The following LAMA3 variants were observed in gnomAD, a reference collection of about 807,000 sequenced individuals.
LAMA3 encodes the protein laminin subunit alpha-3.
Under a neutral mutation model 402.0 loss-of-function variants are expected in LAMA3, and 281 were observed. That is an observed-to-expected ratio of 0.70 (90% CI 0.63 to 0.77). The LOEUF is 0.77. Among genes scored for constraint, LAMA3 ranks in the 30% least tolerant of loss-of-function variants. LAMA3 has a pLI of 0.00. For synonymous variants in LAMA3, 1,431 were observed against 1,558.4 expected, an observed-to-expected ratio of 0.92 and a Z score of 1.93; for missense variants, 3,840 against 4,215.5, an observed-to-expected ratio of 0.91 and a Z score of 2.47.
At chr18:23,722,836 G>A (rs1350956998) in intron 2 of LAMA3, among the ~76,000 whole-genome samples, 1 of 152,112 alleles carries the variant, frequency 6.6e-6, no homozygotes, top group Non-Finnish European at 1.5e-5. Flanking sequence ...TGAGTCTTAC[G>A]ATGCAACTTT....
At chr18:23,845,274 C>A in intron 30 of LAMA3, 150 bp downstream of exon 30, 1 of 675,792 alleles carries the variant, frequency 1.5e-6, no homozygotes, top group Non-Finnish European at 2.7e-6. Context: ...GGAAGATGCT[C>A]TTTCTCCACA....
intron 33 of LAMA3, among the ~76,000 whole-genome samples, chr18:23,858,407 G>C (rs979547876): frequency 1.3e-5 from 2 of 152,106 alleles, no homozygotes; most frequent in African/African-American, 4.8e-5. Flanking sequence ...GAGATGAATT[G>C]GTCTCCCCAT....
At chr18:23,842,123 C>T (rs937852429) in intron 27 of LAMA3, among the ~76,000 whole-genome samples, 1 of 152,134 alleles carries the variant, frequency 6.6e-6, no homozygotes, top group African/African-American at 2.4e-5. Flanking sequence ...TATACCCCCT[C>T]CAACATGTAT....
intron 35 of LAMA3, 112 bp from the exon 36 acceptor site, chr18:23,864,673 G>T (rs2064308336): frequency 1.4e-6 from 1 of 736,270 alleles, no homozygotes; most frequent in Non-Finnish European, 2.5e-6. Context: ...TTGTTACCAG[G>T]TCGAGTGTGT....
intron 61 of LAMA3, 122 bp from the exon 62 acceptor site, chr18:23,921,330 T>C (rs1185600741): frequency 1.1e-5 from 12 of 1,094,340 alleles, no homozygotes; most frequent in Non-Finnish European, 1.5e-5. Flanking sequence ...GCTCAGAGCC[T>C]TCCTACTATG....
chr18:23,824,645 C>T, intron 21 of LAMA3, 80 bp downstream of exon 21: 2 of 1,455,366 alleles, frequency 1.4e-6, no homozygotes, highest in Non-Finnish European at 1.9e-6. Flanking sequence ...CTACAATCCA[C>T]AGCGACCATA....
rs553307388 is a variant in LAMA3, at chr18:23,902,617, G to A, written c.6202-392G>A. 3.3e-5 allele frequency among the ~76,000 whole-genome samples: 5 copies of A among 152,312 alleles called. No individual in the cohort carries two copies. The South Asian group carries it at 8.3e-4, about 25-fold the overall frequency. On this transcript the variant is annotated intron_variant, in intron 48 of 74. Transcript: ENST00000313654. ...TTCCAGCCTGGCATTCTCAGGTTCC[G>A]TGTGACCTCTCGGTCAAGTGCCTGC...
chr18:23,689,601 G>T lies in LAMA3; in HGVS notation c.-83G>T, dbSNP rs2060538442. The T allele has an allele frequency of 2.5e-6, 3 of 1,195,652 alleles. No individual in the cohort carries two copies. The highest frequency in any genetic ancestry group is 4.0e-5 in the South Asian group (1 of 25,042). 74.1% of individuals were successfully genotyped at this position (1,195,652 alleles called of 1,614,324 possible). ...CGGCTGCGCTAGTCCTGGCGCTGCA[G>T]GTCCGGGAGGCGCAGGCGGAGAGCG... On this transcript the variant is annotated 5_prime_UTR_variant, in exon 1 of 75. It adds an upstream start codon to the 5' untranslated region. Coordinates refer to ENST00000313654, the MANE Select transcript of LAMA3 (RefSeq NM_198129.4).
chr18:23,690,765 C>T (rs539216165), intron 1 of LAMA3, among the ~76,000 whole-genome samples: 36 of 142,126 alleles, frequency 2.5e-4, no homozygotes, highest in African/African-American at 8.4e-4. Flanking sequence ...CGTGCCCCCC[C>T]GTGCCTGGCA....
Position 23,696,368 on chromosome 18 carries a change from G to T in LAMA3, c.294+6391G>T, listed in dbSNP as rs185538938. Among the ~76,000 whole-genome samples, 7 of 152,248 alleles carry T rather than the reference G, an allele frequency of 4.6e-5. No homozygotes were observed. The East Asian group carries it at 1.4e-3, about 29-fold the overall frequency. On this transcript the variant is annotated intron_variant, in intron 1 of 74. Transcript: ENST00000313654. ...ATTAGGAAAATCACTAAATAAGCTT[G>T]TTATAAACTTATTGAGTTCTCTTTC... is the stretch of plus-strand genomic sequence containing the variant.
At chr18:23,729,996 C>A (rs1397501208) in intron 2 of LAMA3, among the ~76,000 whole-genome samples, 1 of 152,206 alleles carries the variant, frequency 6.6e-6, no homozygotes, top group Non-Finnish European at 1.5e-5. Context: ...TCATCACTGC[C>A]CACTGTGTTC....
At position 23,815,530 on chromosome 18, in the gene LAMA3, T is replaced by C; in HGVS notation, c.2004T>C (p.Asp668=). The change falls in exon 17 of 75, where the codon GAT becomes GAC. Residue 668 remains aspartate (D), a synonymous_variant. Transcript: ENST00000313654. ...GCGATTCCTGCGACACCTGTGAAGA[T>C]GGATATTTTGCTTTGGAAAAGAGCA... ...VGGDSCDTCE[D]GYFALEKSNY... The C allele has an allele frequency of 6.2e-7, 1 of 1,614,150 alleles. No homozygotes were observed. Among genetic ancestry groups the C allele is most frequent in the African/African-American group, 1.3e-5 (1 of 75,030 alleles).
At chr18:23,938,554 T>G (rs2082381402) in intron 67 of LAMA3, among the ~76,000 whole-genome samples, 2 of 152,104 alleles carry the variant, frequency 1.3e-5, no homozygotes, top group Non-Finnish European at 2.9e-5. Context: ...CTTTCTCTCC[T>G]GCTATCTTGG....
chr18:23,719,226 G>C (rs1019973148), intron 2 of LAMA3, among the ~76,000 whole-genome samples: 1 of 152,118 alleles, frequency 6.6e-6, no homozygotes, highest in African/African-American at 2.4e-5. Flanking sequence ...TGGACATAGT[G>C]GTTCATACCT....
Position 23,763,441 on chromosome 18 carries a change from A to G in LAMA3, c.1100A>G (p.Tyr367Cys), listed in dbSNP as rs1182322054. The G allele has an allele frequency of 1.9e-6, 3 of 1,614,036 alleles. No homozygotes were observed. The highest frequency in any genetic ancestry group is 1.6e-4 in the Middle Eastern group (1 of 6,062). ...NCHGHASNCY[Y>C]DPDVERQQAS... is the part of the protein sequence containing the mutation. ...CACGGCCATGCCAGCAACTGTTACT[A>G]TGATCCAGATGTTGAGCGGCAGCAG... The change falls in exon 8 of 75, where the codon TAT becomes TGT. Residue 367 changes from tyrosine (Y) to cysteine (C), a missense_variant. Transcript: ENST00000313654.
chr18:23,718,429 G>T (rs1458712378), intron 2 of LAMA3, among the ~76,000 whole-genome samples: 5 of 152,176 alleles, frequency 3.3e-5, no homozygotes, highest in Non-Finnish European at 5.9e-5. Flanking sequence ...ATTATCTGAA[G>T]AATTTTGAGG....
chr18:23,840,009 C>A, intron 27 of LAMA3, 80 bp downstream of exon 27: 1 of 1,464,894 alleles, frequency 6.8e-7, no homozygotes, highest in Non-Finnish European at 9.5e-7. Context: ...GGAAACTTGT[C>A]AGCAATGCAG....
chr18:23,946,149 G>T lies in LAMA3; in HGVS notation c.9216G>T (p.Val3072=), dbSNP rs777872216. 4.3e-6 allele frequency: 7 copies of T among 1,613,942 alleles called. No homozygotes were observed. The East Asian group carries it at 1.3e-4, about 31-fold the overall frequency. The change falls in exon 70 of 75, where the codon GTG becomes GTT. Residue 3072 remains valine, a synonymous_variant. Coordinates refer to ENST00000313654, the MANE Select transcript of LAMA3 (RefSeq NM_198129.4). The part of the protein sequence containing the change: ...KCNDGKWHTV[V]FGHDGEKGRL... ...GTATCTTTCTTACTCTGAAGGTGGTGTTTGGCCATGATGGGGAAAAGGGGC... is the reference window on the plus strand; with the variant it reads ...GTATCTTTCTTACTCTGAAGGTGGTTTTTGGCCATGATGGGGAAAAGGGGC...
At chr18:23,731,012 C>G (rs539363288) in intron 2 of LAMA3, among the ~76,000 whole-genome samples, 1 of 152,192 alleles carries the variant, frequency 6.6e-6, no homozygotes, top group East Asian at 1.9e-4. Flanking sequence ...AGCAGAATGA[C>G]TGAACATCAA....
Sources: allele counts gnomAD v4.1 joint callset (sites outside exome capture counted in the v4.1 genomes callset), GRCh38; gene constraint gnomAD v4.1.1; transcripts MANE v1.5; gene names NCBI Gene and HGNC (gene_info 2026-07-23, HGNC 2026-07-21).